Variants in CWF19L2 observed in about 807,000 individuals in gnomAD.
CWF19L2 encodes CWF19-like protein 2.
In CWF19L2, 98 loss-of-function variants were observed where a neutral mutation model predicts 111.7. The ratio of observed to expected loss-of-function variants is 0.88; its 90% confidence interval spans 0.75 to 1.04. The LOEUF is 1.04. CWF19L2 is among the 50% of genes least tolerant of loss of function. The pLI, the probability that CWF19L2 is intolerant of heterozygous loss-of-function variation, is 0.00. For synonymous variants in CWF19L2, 351 were observed against 342.9 expected (o/e 1.02, Z -0.26); for missense variants, 1,101 against 1,051.4 (o/e 1.05, Z -0.65).
chr11:107,357,648 T>C (rs1175507582), intron 12 of CWF19L2, among the ~76,000 whole-genome samples: 2 of 152,182 alleles, frequency 1.3e-5, no homozygotes, highest in African/African-American at 4.8e-5. Flanking sequence ...ATAACTGAAA[T>C]ATGGTCCCTA....
At chr11:107,337,726 C>T (rs1251860134) in intron 14 of CWF19L2, among the ~76,000 whole-genome samples, 1 of 152,022 alleles carries the variant, frequency 6.6e-6, no homozygotes, top group Non-Finnish European at 1.5e-5. Context: ...ATCAAGTTGT[C>T]TAAGAATTTT....
At chr11:107,455,057 G>C (rs530583) in intron 2 of CWF19L2, among the ~76,000 whole-genome samples, 22 of 152,044 alleles carry the variant, frequency 1.4e-4, no homozygotes, top group African/African-American at 4.8e-4. Flanking sequence ...TTGATCAAAG[G>C]GTACAAAGTT....
intron 12 of CWF19L2, among the ~76,000 whole-genome samples, chr11:107,354,742 A>T (rs1860210534): frequency 2.0e-5 from 3 of 152,196 alleles, no homozygotes; most frequent in Admixed American, 1.3e-4. Flanking sequence ...ATTACAGCAC[A>T]TTTACACTTA....
At chr11:107,452,104 A>G (rs1861785975) in intron 3 of CWF19L2, among the ~76,000 whole-genome samples, 1 of 152,210 alleles carries the variant, frequency 6.6e-6, no homozygotes, top group South Asian at 2.1e-4. Flanking sequence ...CAATTAACAA[A>G]TAAAACAGGC....
rs376346076 is a variant in CWF19L2 at position 107,429,174 on chromosome 11, G to C, written c.1058C>G (p.Pro353Arg). 1 of 1,613,478 alleles carries C rather than the reference G, an allele frequency of 6.2e-7. No homozygotes were observed. The highest frequency in any genetic ancestry group is 8.5e-7 in the Non-Finnish European group (1 of 1,179,782). ...AAAAGAAAACTCTTGATTTTGCCTTGGGTTAGATTCTCTTCTACACGTTTC... is the reference window on the plus strand; with the variant it reads ...AAAAGAAAACTCTTGATTTTGCCTTCGGTTAGATTCTCTTCTACACGTTTC... ...SLETCRRESN[P>R]RQNQEFSFGN... is the part of the protein sequence containing the mutation. Residue 353 changes from proline to arginine, a missense_variant, in exon 8 of 18, where the codon CCA becomes CGA. Transcript: ENST00000282251.
At chr11:107,331,255 GTTAA>G (rs1329192939) in intron 16 of CWF19L2, among the ~76,000 whole-genome samples, 1 of 152,162 alleles carries the variant, frequency 6.6e-6, no homozygotes, top group Non-Finnish European at 1.5e-5. Flanking sequence ...CCTCAGACAA[GTTAA>G]TTAACATCTC....
chr11:107,442,478 T>C (rs1255587325), intron 4 of CWF19L2, among the ~76,000 whole-genome samples: 1 of 151,398 alleles, frequency 6.6e-6, no homozygotes, highest in Non-Finnish European at 1.5e-5. Flanking sequence ...GCTCAGGAGT[T>C]TGAGACCCAG....
At chr11:107,338,459 T>C (rs1232468598) in intron 14 of CWF19L2, among the ~76,000 whole-genome samples, 1 of 152,172 alleles carries the variant, frequency 6.6e-6, no homozygotes. Context: ...GCATGTTTGT[T>C]ACATAGGTAA....
chr11:107,443,153 C>A (rs1861655683), intron 3 of CWF19L2, 104 bp from the exon 4 acceptor site: 9 of 774,588 alleles, frequency 1.2e-5, no homozygotes, highest in South Asian at 1.1e-4. Flanking sequence ...GAAAAAAATT[C>A]TTACACTGTA....
At chr11:107,436,879 C>T (rs1861548197) in intron 6 of CWF19L2, among the ~76,000 whole-genome samples, 1 of 152,016 alleles carries the variant, frequency 6.6e-6, no homozygotes, top group African/African-American at 2.4e-5. Flanking sequence ...TATTAAAATA[C>T]TATCTACACT....
intron 10 of CWF19L2, among the ~76,000 whole-genome samples, chr11:107,411,076 T>TGC (rs1861150047): frequency 1.0e-5 from 1 of 99,070 alleles, no homozygotes; most frequent in African/African-American, 4.5e-5. Flanking sequence ...GGTGTGTGTG[T>TGC]GCGCGCGTGC....
At position 107,428,989 on chromosome 11, in the gene CWF19L2, T is replaced by C. The variant is rs1457668909; in HGVS notation, c.1243A>G (p.Arg415Gly). ...FRKPTKNSEE[R>G]LTSWSRSDGR... is the part of the protein sequence containing the mutation. ...TCAGAGCGACTCCATGATGTTAATC[T>C]TTCTTCACTGTTCTTGGTGGGTTTT... is the stretch of plus-strand genomic sequence containing the variant. The change falls in exon 8 of 18, where the codon AGA becomes GGA. Residue 415 changes from arginine to glycine, a missense_variant. Transcript: ENST00000282251. The C allele has an allele frequency of 1.2e-6, 2 of 1,613,818 alleles. No individual in the cohort carries two copies. Among genetic ancestry groups the C allele is most frequent in the Non-Finnish European group, 1.7e-6 (2 of 1,179,810 alleles).
chr11:107,358,208 G>C (rs1307977287), intron 12 of CWF19L2, among the ~76,000 whole-genome samples: 1 of 152,098 alleles, frequency 6.6e-6, no homozygotes, highest in East Asian at 1.9e-4. Flanking sequence ...TTTCAATATA[G>C]ATTAATTAAT....
intron 13 of CWF19L2, among the ~76,000 whole-genome samples, chr11:107,352,244 C>T (rs926644316): frequency 1.3e-5 from 2 of 150,458 alleles, no homozygotes; most frequent in Non-Finnish European, 3.0e-5. Flanking sequence ...TCCTTGATAA[C>T]TCCACGGTAA....
chr11:107,434,082 C>A (rs1015242143), intron 6 of CWF19L2, among the ~76,000 whole-genome samples: 1 of 151,250 alleles, frequency 6.6e-6, no homozygotes, highest in Non-Finnish European at 1.5e-5. Flanking sequence ...ATAATGGACT[C>A]TAGAAAGTAG....
At chr11:107,407,873 T>G (rs1476238785) in intron 10 of CWF19L2, among the ~76,000 whole-genome samples, 1 of 152,072 alleles carries the variant, frequency 6.6e-6, no homozygotes, top group Non-Finnish European at 1.5e-5. Flanking sequence ...CAGAAAGCAT[T>G]GAGAATTAAA....
chr11:107,444,448 T>C (rs1169763129), intron 3 of CWF19L2, among the ~76,000 whole-genome samples: 1 of 152,194 alleles, frequency 6.6e-6, no homozygotes, highest in Non-Finnish European at 1.5e-5. Flanking sequence ...TCCCACTCTG[T>C]TTCTTCTCCA....
intron 3 of CWF19L2, among the ~76,000 whole-genome samples, chr11:107,445,579 G>C (rs532783777): frequency 6.7e-6 from 1 of 148,256 alleles, no homozygotes; most frequent in Non-Finnish European, 1.5e-5. Context: ...ACTCCAGCCT[G>C]GGGGACAAGA....
intron 12 of CWF19L2, among the ~76,000 whole-genome samples, chr11:107,374,774 T>G (rs1189730825): frequency 1.5e-4 from 21 of 141,248 alleles, no homozygotes; most frequent in South Asian, 2.5e-4. Flanking sequence ...ATAACAATAT[T>G]AACTTTAAAT....
Sources: gnomAD v4.1 joint callset for allele counts (sites outside exome capture counted in the v4.1 genomes callset) on GRCh38, gnomAD v4.1.1 for gene constraint, MANE v1.5 for transcripts, NCBI Gene and HGNC (gene_info 2026-07-23, HGNC 2026-07-21) for gene names.